Variants in FOCAD observed in about 807,000 individuals in gnomAD.
The protein encoded by FOCAD is KIAA1797.
Under a neutral mutation model 225.6 loss-of-function variants are expected in FOCAD, and 198 were observed. The observed-to-expected ratio is 0.88, with a 90% CI of 0.78 to 0.99. The LOEUF (loss-of-function observed/expected upper bound fraction) is 0.99, where lower values mean the gene tolerates loss of function less well. Ranked by LOEUF, FOCAD falls within the 50% of genes least tolerant of loss-of-function variation. The probability of loss-of-function intolerance (pLI) is 0.00; values close to 1 mark genes in which losing one functional copy is unlikely to be tolerated. For synonymous variants in FOCAD, 897 were observed against 755.0 expected, an observed-to-expected ratio of 1.19 and a Z score of -3.08; for missense variants, 2,713 against 2,123.6, an observed-to-expected ratio of 1.28 and a Z score of -5.46.
At chr9:20,719,431 T>G (rs539937389) in intron 3 of FOCAD, among the ~76,000 whole-genome samples, 1 of 152,218 alleles carries the variant, frequency 6.6e-6, no homozygotes, top group Non-Finnish European at 1.5e-5. Context: ...GCCGGGATAT[T>G]AATTTTTCCC....
chr9:20,949,314 C>CAT (rs1299407307), intron 32 of FOCAD, among the ~76,000 whole-genome samples: 3 of 152,012 alleles, frequency 2.0e-5, no homozygotes, highest in African/African-American at 7.2e-5. Context: ...TCACAGTGGA[C>CAT]ATATATATGT....
At chr9:20,883,986 G>A (rs1482102236) in intron 20 of FOCAD, among the ~76,000 whole-genome samples, 1 of 152,194 alleles carries the variant, frequency 6.6e-6, no homozygotes, top group African/African-American at 2.4e-5. Context: ...TGTGGAAAGG[G>A]CAGGGAGAAG....
intron 9 of FOCAD, among the ~76,000 whole-genome samples, chr9:20,780,235 T>C (rs1427168911): frequency 6.6e-6 from 1 of 152,222 alleles, no homozygotes. Flanking sequence ...TCCAGAGAAA[T>C]ACTAATCTGC....
At chr9:20,945,141 A>G (rs1837054008) in intron 29 of FOCAD, among the ~76,000 whole-genome samples, 1 of 152,216 alleles carries the variant, frequency 6.6e-6, no homozygotes, top group African/African-American at 2.4e-5. Context: ...AGCTTCAGAA[A>G]CTGCTGATCA....
At position 20,781,724 on chromosome 9, in the gene FOCAD, T is replaced by C. The variant is rs543108225; in HGVS notation, c.995-3T>C. On this transcript the variant is annotated splice_polypyrimidine_tract_variant and splice_region_variant and intron_variant, in intron 9 of 43. Transcript: ENST00000338382. ...AAATGTGCATTATTGTTTTGATGAA[T>C]AGCTTTGAAGCTCCTCTCTGTTACT... 6.2e-7 allele frequency: 1 copy of C among 1,612,938 alleles called. No homozygotes were observed. Among genetic ancestry groups the C allele is most frequent in the African/African-American group, 1.3e-5 (1 of 75,030 alleles).
At chr9:20,760,650 A>G (rs1829505372) in intron 6 of FOCAD, among the ~76,000 whole-genome samples, 1 of 152,114 alleles carries the variant, frequency 6.6e-6, no homozygotes, top group African/African-American at 2.4e-5. Context: ...TTCTTACTAG[A>G]AGCTGTATTA....
At chr9:20,964,385 C>G (rs555961523) in intron 35 of FOCAD, among the ~76,000 whole-genome samples, 1 of 152,170 alleles carries the variant, frequency 6.6e-6, no homozygotes, top group African/African-American at 2.4e-5. Context: ...CAGAGTAAGA[C>G]TCTGTCTCAG....
chr9:20,772,255 G>A (rs999968703), intron 8 of FOCAD, among the ~76,000 whole-genome samples: 1 of 152,192 alleles, frequency 6.6e-6, no homozygotes, highest in African/African-American at 2.4e-5. Context: ...TTAGATTTCA[G>A]ATATGCTTGA....
intron 5 of FOCAD, among the ~76,000 whole-genome samples, chr9:20,751,288 C>G (rs1346246308): frequency 6.9e-6 from 1 of 145,678 alleles, no homozygotes; most frequent in Non-Finnish European, 1.5e-5. Context: ...TTAGGTATAT[C>G]TCCCAGTGCT....
intron 21 of FOCAD, among the ~76,000 whole-genome samples, chr9:20,901,789 T>A (rs1300601921): frequency 6.6e-6 from 1 of 151,948 alleles, no homozygotes; most frequent in African/African-American, 2.4e-5. Flanking sequence ...TTTAAAAGTT[T>A]ACAGAATTTC....
At chr9:20,786,440 A>C (rs1304272695) in intron 10 of FOCAD, among the ~76,000 whole-genome samples, 1 of 152,170 alleles carries the variant, frequency 6.6e-6, no homozygotes, top group Admixed American at 6.5e-5. Flanking sequence ...TAGAGTCTTC[A>C]TAGTGATATA....
intron 28 of FOCAD, among the ~76,000 whole-genome samples, chr9:20,943,431 A>C (rs1587683818): frequency 6.7e-6 from 1 of 149,806 alleles, no homozygotes; most frequent in South Asian, 2.1e-4. Flanking sequence ...TGGGTTTGGC[A>C]GATGGGGCAG....
At position 20,946,805 on chromosome 9, in the gene FOCAD, G is replaced by A. The variant is rs200109952; in HGVS notation, c.3660G>A (p.Val1220=). The change falls in exon 30 of 44, where the codon GTG becomes GTA. Residue 1220 remains valine, a synonymous_variant. Transcript: ENST00000338382. ...TTATGAACAAGCTTCGACTGTTAGT[G>A]GAGAATAGCCAGCAGGTTGGAACGT... ...EDVMNKLRLL[V]ENSQQTSGFA... is the part of the protein sequence containing the mutation. The A allele has an allele frequency of 1.6e-4, 254 of 1,613,530 alleles. No individual in the cohort carries two copies. The highest frequency in any genetic ancestry group is 2.1e-4 in the Non-Finnish European group (247 of 1,179,688).
At chr9:20,761,570 G>A (rs200046037) in intron 6 of FOCAD, among the ~76,000 whole-genome samples, 1 of 151,990 alleles carries the variant, frequency 6.6e-6, no homozygotes, top group East Asian at 1.9e-4. Context: ...ACAGGTGCCC[G>A]CCACCATGCC....
intron 35 of FOCAD, among the ~76,000 whole-genome samples, chr9:20,970,469 C>G (rs1457235938): frequency 6.6e-6 from 1 of 152,018 alleles, no homozygotes; most frequent in Non-Finnish European, 1.5e-5. Context: ...TTTAATCCCT[C>G]TAGTGAGTTT....
intron 41 of FOCAD, among the ~76,000 whole-genome samples, 189 bp from the exon 42 acceptor site, chr9:20,989,934 C>G (rs1841498812): frequency 6.6e-6 from 1 of 152,150 alleles, no homozygotes; most frequent in Admixed American, 6.5e-5. Context: ...CAAAATGTAT[C>G]TTCATTAAAC....
intron 32 of FOCAD, 116 bp downstream of exon 32, chr9:20,949,044 A>G: frequency 1.1e-6 from 1 of 875,778 alleles, no homozygotes; most frequent in Non-Finnish European, 1.8e-6. Flanking sequence ...TCATGGTAAT[A>G]GTTACACCAG....
chr9:20,845,992 C>T (rs1416522676), intron 15 of FOCAD, among the ~76,000 whole-genome samples: 1 of 152,058 alleles, frequency 6.6e-6, no homozygotes, highest in Non-Finnish European at 1.5e-5. Flanking sequence ...AGGTTTTGTA[C>T]TAGAAATTTA....
intron 35 of FOCAD, among the ~76,000 whole-genome samples, chr9:20,957,074 T>A (rs1838217145): frequency 6.6e-6 from 1 of 152,232 alleles, no homozygotes; most frequent in African/African-American, 2.4e-5. Flanking sequence ...TAACAGCTAT[T>A]ATTTTTGAGA....
Sources: allele counts gnomAD v4.1 joint callset (sites outside exome capture counted in the v4.1 genomes callset), GRCh38; gene constraint gnomAD v4.1.1; transcripts MANE v1.5; gene names NCBI Gene and HGNC (gene_info 2026-07-23, HGNC 2026-07-21).